Variants in FBXL7 observed in about 807,000 individuals in gnomAD.
The protein encoded by FBXL7 is F-box and leucine rich repeat protein 7, also known as F-box/LRR-repeat protein 7.
In FBXL7, 12 loss-of-function variants were observed where a neutral mutation model predicts 38.3. The observed-to-expected ratio is 0.31, with a 90% CI of 0.20 to 0.51. FBXL7 has a LOEUF of 0.51. Among genes scored for constraint, FBXL7 ranks in the 20% least tolerant of loss-of-function variants. The probability of loss-of-function intolerance (pLI) is 0.98; values close to 1 mark genes in which losing one functional copy is unlikely to be tolerated. For missense variants in FBXL7, 567 were observed against 676.4 expected (o/e 0.84, Z 1.79); for synonymous variants, 297 against 300.9 (o/e 0.99, Z 0.13).
chr5:15,827,077 T>A (rs1738333953), intron 2 of FBXL7, among the ~76,000 whole-genome samples: 1 of 152,144 alleles, frequency 6.6e-6, no homozygotes, highest in African/African-American at 2.4e-5. Context: ...TCCTTACGGT[T>A]TAGTTCAGCC....
chr5:15,742,202 G>A (rs1353136532), intron 2 of FBXL7, among the ~76,000 whole-genome samples: 1 of 152,100 alleles, frequency 6.6e-6, no homozygotes, highest in East Asian at 1.9e-4. Flanking sequence ...ATCAAAATCT[G>A]AAAAGCACTT....
At chr5:15,669,860 A>T (rs1360131855) in intron 2 of FBXL7, among the ~76,000 whole-genome samples, 1 of 152,180 alleles carries the variant, frequency 6.6e-6, no homozygotes, top group African/African-American at 2.4e-5. Flanking sequence ...TCCCTTCTTG[A>T]GGGAAGAGTA....
intron 2 of FBXL7, among the ~76,000 whole-genome samples, chr5:15,716,301 C>G (rs901165534): frequency 6.6e-6 from 1 of 152,188 alleles, no homozygotes; most frequent in Admixed American, 6.5e-5. Flanking sequence ...GATTCTTCCT[C>G]GGGTCTCTAT....
intron 2 of FBXL7, among the ~76,000 whole-genome samples, chr5:15,757,417 C>T (rs1736325813): frequency 6.6e-6 from 1 of 152,048 alleles, no homozygotes. Flanking sequence ...TCCTAGGAGG[C>T]TCTCGAACTT....
At chr5:15,918,676 T>C (rs778529674) in intron 2 of FBXL7, among the ~76,000 whole-genome samples, 3 of 152,206 alleles carry the variant, frequency 2.0e-5, no homozygotes, top group Non-Finnish European at 4.4e-5. Flanking sequence ...GTGACTGATA[T>C]TACATGAGTT....
chr5:15,504,675 A>T (rs2126345106), intron 1 of FBXL7, among the ~76,000 whole-genome samples: 1 of 152,234 alleles, frequency 6.6e-6, no homozygotes, highest in African/African-American at 2.4e-5. Flanking sequence ...TTATGGAGGA[A>T]TTTTTTTGTG....
intron 2 of FBXL7, among the ~76,000 whole-genome samples, chr5:15,845,409 T>TACTA (rs1371430249): frequency 5.3e-5 from 8 of 152,090 alleles, no homozygotes; most frequent in Admixed American, 3.9e-4. Context: ...CCCCTTTACA[T>TACTA]ACTAACCAAC....
intron 2 of FBXL7, among the ~76,000 whole-genome samples, chr5:15,724,039 C>T (rs1436244891): frequency 2.0e-5 from 3 of 152,136 alleles, no homozygotes; most frequent in Non-Finnish European, 4.4e-5. Flanking sequence ...CTTGGTACTT[C>T]CCTCTTCTGT....
intron 2 of FBXL7, among the ~76,000 whole-genome samples, chr5:15,904,281 C>T (rs1226387435): frequency 1.3e-5 from 2 of 152,174 alleles, no homozygotes; most frequent in African/African-American, 2.4e-5. Context: ...TTTCTGACAT[C>T]TTGTGTACTC....
intron 1 of FBXL7, among the ~76,000 whole-genome samples, chr5:15,589,808 G>A (rs10520818): frequency 0.14 from 21,282 of 152,076 alleles, 1,560 homozygotes; most frequent in South Asian, 0.23. Context: ...CATAGCCAGC[G>A]TGTCCTCAAT....
chr5:15,546,678 C>G (rs963832318), intron 1 of FBXL7, among the ~76,000 whole-genome samples: 1 of 152,220 alleles, frequency 6.6e-6, no homozygotes, highest in Non-Finnish European at 1.5e-5. Context: ...TTGCAGTGAG[C>G]TGAGATCACG....
chr5:15,723,144 G>A (rs1744247350), intron 2 of FBXL7, among the ~76,000 whole-genome samples: 1 of 152,058 alleles, frequency 6.6e-6, no homozygotes, highest in Admixed American at 6.6e-5. Context: ...TCTTGTATGA[G>A]TAGCCAAGCT....
chr5:15,762,028 G>A, intron 2 of FBXL7, among the ~76,000 whole-genome samples: 1 of 152,176 alleles, frequency 6.6e-6, no homozygotes, highest in East Asian at 1.9e-4. Flanking sequence ...TGTGGGTCAG[G>A]AATCCAGGTA....
intron 2 of FBXL7, among the ~76,000 whole-genome samples, chr5:15,700,739 A>G (rs1743495529): frequency 6.6e-6 from 1 of 152,186 alleles, no homozygotes; most frequent in Non-Finnish European, 1.5e-5. Flanking sequence ...TACTTTTTGG[A>G]TAATTTATGG....
chr5:15,791,995 T>C (rs1035366233), intron 2 of FBXL7, among the ~76,000 whole-genome samples: 7 of 152,146 alleles, frequency 4.6e-5, no homozygotes, highest in East Asian at 1.9e-4. Flanking sequence ...AATACCCACA[T>C]TGCAAGCACA....
intron 2 of FBXL7, among the ~76,000 whole-genome samples, chr5:15,675,612 C>T (rs988977128): frequency 5.9e-5 from 9 of 152,340 alleles, no homozygotes; most frequent in African/African-American, 1.9e-4. Context: ...TTTGCCCTCT[C>T]TCAGGGGGCT....
intron 2 of FBXL7, among the ~76,000 whole-genome samples, chr5:15,666,888 A>C (rs1383006546): frequency 6.6e-6 from 1 of 152,208 alleles, no homozygotes; most frequent in Non-Finnish European, 1.5e-5. Context: ...TCTTGGCTCC[A>C]AGAAGAGCTT....
chr5:15,661,981 T>C (rs1242799716), intron 2 of FBXL7, among the ~76,000 whole-genome samples: 1 of 152,236 alleles, frequency 6.6e-6, no homozygotes, highest in Non-Finnish European at 1.5e-5. Context: ...AGAATAGTGC[T>C]GCAATGAACA....
At chr5:15,727,328 T>C (rs890865205) in intron 2 of FBXL7, among the ~76,000 whole-genome samples, 1 of 152,214 alleles carries the variant, frequency 6.6e-6, no homozygotes, top group Admixed American at 6.5e-5. Flanking sequence ...TTTGGATTAC[T>C]GTTTAGTGTT....
Sources: allele counts gnomAD v4.1 joint callset (sites outside exome capture counted in the v4.1 genomes callset), GRCh38; gene constraint gnomAD v4.1.1; transcripts MANE v1.5; gene names NCBI Gene and HGNC (gene_info 2026-07-23, HGNC 2026-07-21).